Variants in CAPZB observed in about 807,000 individuals in gnomAD.
CAPZB encodes the protein capping actin protein of muscle Z-line subunit beta.
Under a neutral mutation model 38.1 loss-of-function variants are expected in CAPZB, and 2 were observed. The observed-to-expected ratio is 0.05, with a 90% CI of 0.02 to 0.17. CAPZB has a LOEUF of 0.17. Among genes scored for constraint, CAPZB ranks in the 10% least tolerant of loss-of-function variants. The pLI, the probability that CAPZB is intolerant of heterozygous loss-of-function variation, is 1.00. For synonymous variants in CAPZB, 107 were observed against 127.4 expected, an observed-to-expected ratio of 0.84 and a Z score of 1.08; for missense variants, 161 against 334.2, an observed-to-expected ratio of 0.48 and a Z score of 4.04.
chr1:19,396,959 TA>T (rs982940283), intron 2 of CAPZB, among the ~76,000 whole-genome samples: 42 of 145,434 alleles, frequency 2.9e-4, no homozygotes, highest in African/African-American at 3.5e-4. Context: ...CTCAAAAAAT[TA>T]AAAAAAAAAA....
intron 3 of CAPZB, among the ~76,000 whole-genome samples, chr1:19,383,662 A>G (rs1263196948): frequency 6.6e-6 from 1 of 152,080 alleles, no homozygotes; most frequent in Non-Finnish European, 1.5e-5. Context: ...ATCACCATCT[A>G]TATGCTGGGA....
At chr1:19,471,992 G>C (rs1257893034) in intron 1 of CAPZB, among the ~76,000 whole-genome samples, 1 of 152,052 alleles carries the variant, frequency 6.6e-6, no homozygotes, top group African/African-American at 2.4e-5. Context: ...ATATTCCCAG[G>C]ATTCTCCTAC....
intron 2 of CAPZB, among the ~76,000 whole-genome samples, chr1:19,404,003 C>T (rs1013940431): frequency 7.2e-5 from 11 of 152,090 alleles, no homozygotes; most frequent in Non-Finnish European, 1.5e-4. Context: ...AGGCCGGGCA[C>T]GGTGGCATCA....
rs190995776 is a variant in CAPZB at position 19,454,985 on chromosome 1, C to G, written c.3+30451G>C. Reference sequence around the variant, plus strand: ...GAGGGGCTGAGTGGGTGAGTTACAGCTGAATTCACAGGACACCGGTCCCGC... The same window carrying G: ...GAGGGGCTGAGTGGGTGAGTTACAGGTGAATTCACAGGACACCGGTCCCGC... On this transcript the variant is annotated intron_variant, in intron 1 of 8. Coordinates refer to ENST00000264202, the MANE Select transcript of CAPZB (RefSeq NM_004930.5). Among the ~76,000 whole-genome samples, 19 of 152,352 alleles carry G rather than the reference C, an allele frequency of 1.2e-4. No homozygotes were observed. In the East Asian group the frequency reaches 3.3e-3, roughly 26 times the overall value.
chr1:19,472,520 T>C (rs1273882373), intron 1 of CAPZB, among the ~76,000 whole-genome samples: 1 of 151,978 alleles, frequency 6.6e-6, no homozygotes, highest in African/African-American at 2.4e-5. Flanking sequence ...CATACTATGC[T>C]CTATTATTCC....
At chr1:19,409,514 C>A (rs984258690) in intron 2 of CAPZB, among the ~76,000 whole-genome samples, 2 of 152,208 alleles carry the variant, frequency 1.3e-5, no homozygotes, top group African/African-American at 4.8e-5. Context: ...GTAGCCAGCT[C>A]TTTCTTCTAA....
rs914047883 is a variant in CAPZB at position 19,412,005 on chromosome 1, C to A, written c.93+7656G>T. 4.6e-5 allele frequency among the ~76,000 whole-genome samples: 7 copies of A among 152,304 alleles called. No individual in the cohort carries two copies. In the East Asian group the frequency reaches 1.4e-3, roughly 29 times the overall value. Reference sequence around the variant, plus strand: ...CAGAGCATGCCTCCTGCTCTCCCTGCCTCAGTCCCCACAGCTGCCGCCCAT... The same window carrying A: ...CAGAGCATGCCTCCTGCTCTCCCTGACTCAGTCCCCACAGCTGCCGCCCAT... On this transcript the variant is annotated intron_variant, in intron 2 of 8. Transcript: ENST00000264202.
rs1425074782 is a variant in CAPZB at position 19,345,125 on chromosome 1, C to T, written c.654+62G>A. 19 of 1,280,386 alleles carry T rather than the reference C, an allele frequency of 1.5e-5. No individual in the cohort carries two copies. The East Asian group carries it at 2.1e-4, about 14-fold the overall frequency. The allele number at this position is 1,280,386 out of a possible 1,614,324, so 79.3% of individuals were successfully genotyped here. A position where few individuals can be genotyped will look rare whatever the true frequency, so the allele number is the denominator to read the frequency against. ...GAGAAGGAGGCCAGCACAGCGGCTC[C>T]GGGGCTGCAGTGTCACTGCTGTGGG... On this transcript the variant is annotated intron_variant, in intron 7 of 8. Coordinates refer to ENST00000264202, the MANE Select transcript of CAPZB (RefSeq NM_004930.5).
chr1:19,396,908 G>T (rs1402596041), intron 2 of CAPZB, among the ~76,000 whole-genome samples: 1 of 151,960 alleles, frequency 6.6e-6, no homozygotes, highest in Non-Finnish European at 1.5e-5. Flanking sequence ...AGCCGAGATG[G>T]CGCCACTACA....
At chr1:19,366,833 T>A (rs1210340745) in intron 4 of CAPZB, among the ~76,000 whole-genome samples, 1 of 152,128 alleles carries the variant, frequency 6.6e-6, no homozygotes, top group Non-Finnish European at 1.5e-5. Context: ...TTTTGTTCCC[T>A]CCTAGGGTAA....
intron 1 of CAPZB, among the ~76,000 whole-genome samples, chr1:19,430,354 T>A (rs2094437962): frequency 6.6e-6 from 1 of 152,190 alleles, no homozygotes; most frequent in African/African-American, 2.4e-5. Flanking sequence ...CCGAAATGAG[T>A]CATACTCAGG....
chr1:19,398,116 C>T (rs1215264279), intron 2 of CAPZB, among the ~76,000 whole-genome samples: 1 of 152,130 alleles, frequency 6.6e-6, no homozygotes, highest in Non-Finnish European at 1.5e-5. Context: ...GCAGGGGATA[C>T]TTTAGAATCT....
rs117850074 is a variant in CAPZB at position 19,468,876 on chromosome 1, G to A, written c.3+16560C>T. ...CTCTCACCTCCACTTCAACAAAATC[G>A]GTCCCCTGGGACCCGTGCCTTGAAT... is the stretch of plus-strand genomic sequence containing the variant. On this transcript the variant is annotated intron_variant, in intron 1 of 8. Transcript: ENST00000264202. 1.2e-3 allele frequency among the ~76,000 whole-genome samples: 175 copies of A among 152,156 alleles called. 4 individuals carry two copies. In the East Asian group the frequency reaches 0.03, roughly 26 times the overall value.
At chr1:19,385,481 T>C (rs528484027) in intron 3 of CAPZB, 24 bp downstream of exon 3, 1 of 1,611,504 alleles carries the variant, frequency 6.2e-7, no homozygotes, top group Non-Finnish European at 8.5e-7. Context: ...CTGTGCCTGC[T>C]GCATCCCCGG....
chr1:19,455,376 A>G (rs2094529797), intron 1 of CAPZB, among the ~76,000 whole-genome samples: 1 of 152,214 alleles, frequency 6.6e-6, no homozygotes, highest in African/African-American at 2.4e-5. Flanking sequence ...ATAAAATTAA[A>G]CTTTACTTTC....
At chr1:19,452,789 CTTTCT>C (rs1343004919) in intron 1 of CAPZB, among the ~76,000 whole-genome samples, 99 of 125,284 alleles carry the variant, frequency 7.9e-4, no homozygotes, top group African/African-American at 2.4e-3. Context: ...AGAATAATTT[CTTTCT>C]TTTTTTTTTT....
At chr1:19,471,711 A>C (rs969815805) in intron 1 of CAPZB, among the ~76,000 whole-genome samples, 2 of 151,746 alleles carry the variant, frequency 1.3e-5, no homozygotes, top group Non-Finnish European at 2.9e-5. Context: ...AAAAATACCA[A>C]AAAAAATTAG....
At chr1:19,394,617 G>A (rs771410504) in intron 2 of CAPZB, among the ~76,000 whole-genome samples, 10 of 152,142 alleles carry the variant, frequency 6.6e-5, no homozygotes, top group Non-Finnish European at 1.5e-5. Context: ...TACTTGGGAG[G>A]CTGAGGCAGA....
intron 2 of CAPZB, among the ~76,000 whole-genome samples, chr1:19,387,630 T>A (rs1210482945): frequency 6.6e-6 from 1 of 152,224 alleles, no homozygotes; most frequent in East Asian, 1.9e-4. Context: ...CAGCTCAATT[T>A]TTCCTCAATT....
Sources: gnomAD v4.1 joint callset for allele counts (sites outside exome capture counted in the v4.1 genomes callset) on GRCh38, gnomAD v4.1.1 for gene constraint, MANE v1.5 for transcripts, NCBI Gene and HGNC (gene_info 2026-07-23, HGNC 2026-07-21) for gene names.